Variants in CHLSN observed in about 807,000 individuals in gnomAD.
CHLSN encodes the protein cholesin, also known as protein cholesin.
At chr7:1,136,804 T>C in the CHLSN span, among the ~76,000 whole-genome samples, 1 of 151,908 alleles carries the variant, frequency 6.6e-6, no homozygotes, top group African/African-American at 2.4e-5. Flanking sequence ...ATCCTCTCCA[T>C]AAACATCCAT....
the CHLSN span, among the ~76,000 whole-genome samples, chr7:1,042,501 C>T: frequency 1.3e-5 from 2 of 152,224 alleles, no homozygotes; most frequent in African/African-American, 4.8e-5. Context: ...TTTACACCTC[C>T]AGCTACGAGT....
At chr7:1,009,860 C>T in the CHLSN span, 1 of 1,158,128 alleles carries the variant, frequency 8.6e-7, no homozygotes, top group Non-Finnish European at 1.2e-6. Context: ...GAACCTTCCA[C>T]ACAGTGTGTG....
the CHLSN span, among the ~76,000 whole-genome samples, chr7:983,709 G>A: frequency 1.3e-5 from 2 of 152,220 alleles, no homozygotes; most frequent in Admixed American, 6.5e-5. Flanking sequence ...ACAGCAGAGG[G>A]GAGGAGGGCC....
At chr7:1,037,053 G>T in the CHLSN span, among the ~76,000 whole-genome samples, 1 of 146,598 alleles carries the variant, frequency 6.8e-6, no homozygotes, top group East Asian at 1.9e-4. Context: ...GGAGGCTGCA[G>T]TGAGCCGAGA....
At chr7:1,095,943 CGGCAGCAGCGGCAGCGGGGAG>C in the CHLSN span, among the ~76,000 whole-genome samples, 9 of 152,340 alleles carry the variant, frequency 5.9e-5, no homozygotes, top group Admixed American at 5.2e-4. Flanking sequence ...AGTGCAGGGA[CGGCAGCAGCGGCAGCGGGGAG>C]GGCTCCCTTA....
chr7:1,094,757 G>A, the CHLSN span, among the ~76,000 whole-genome samples: 2 of 152,210 alleles, frequency 1.3e-5, no homozygotes, highest in African/African-American at 4.8e-5. Flanking sequence ...CCGTCTGTGG[G>A]ACATGAAGCT....
the CHLSN span, among the ~76,000 whole-genome samples, chr7:1,104,202 A>G: frequency 1.3e-5 from 2 of 152,254 alleles, no homozygotes; most frequent in Non-Finnish European, 2.9e-5. Flanking sequence ...GGAGAAGGCC[A>G]ACCTCCACTG....
At chr7:1,016,703 ACACGCCAGCG>A in the CHLSN span, among the ~76,000 whole-genome samples, 17 of 66,222 alleles carry the variant, frequency 2.6e-4, 1 homozygote, top group African/African-American at 5.9e-4. Flanking sequence ...GCATGCCAGC[ACACGCCAGCG>A]CACAGCAGCA....
chr7:1,006,797 C>G, the CHLSN span, among the ~76,000 whole-genome samples: 1 of 152,132 alleles, frequency 6.6e-6, no homozygotes, highest in Non-Finnish European at 1.5e-5. Context: ...AGGGAAAGAG[C>G]GCATGACGGC....
chr7:1,107,674 GT>G, the CHLSN span, among the ~76,000 whole-genome samples: 1 of 152,252 alleles, frequency 6.6e-6, no homozygotes, highest in Non-Finnish European at 1.5e-5. Context: ...CCACCGTGAC[GT>G]ACAGTCTGCA....
At chr7:1,028,247 C>A in the CHLSN span, 1 of 1,096,098 alleles carries the variant, frequency 9.1e-7, no homozygotes, top group Non-Finnish European at 1.1e-6. Context: ...GCCCTGGCCC[C>A]GCGCACTGAC....
the CHLSN span, among the ~76,000 whole-genome samples, chr7:1,015,177 C>CT: frequency 6.6e-6 from 1 of 152,170 alleles, no homozygotes; most frequent in Admixed American, 6.5e-5. Flanking sequence ...TGGGTGGCTC[C>CT]TGGGTCCCTG....
the CHLSN span, among the ~76,000 whole-genome samples, chr7:1,081,153 G>C: frequency 2.0e-5 from 3 of 152,242 alleles, no homozygotes; most frequent in Admixed American, 2.0e-4. Context: ...CCCGCGTGCC[G>C]TCATCCAGGG....
the CHLSN span, among the ~76,000 whole-genome samples, chr7:1,050,300 AG>A: frequency 6.6e-6 from 1 of 152,240 alleles, no homozygotes; most frequent in Non-Finnish European, 1.5e-5. Context: ...GGTTTAGATC[AG>A]GAACAGAACA....
At chr7:1,101,902 G>GGCCACC in the CHLSN span, among the ~76,000 whole-genome samples, 3 of 152,244 alleles carry the variant, frequency 2.0e-5, no homozygotes, top group Admixed American at 2.0e-4. Context: ...TGGCTCGCTG[G>GGCCACC]GCCACCGTCA....
the CHLSN span, among the ~76,000 whole-genome samples, chr7:1,136,445 T>C: frequency 1.3e-3 from 157 of 118,306 alleles, 4 homozygotes; most frequent in Non-Finnish European, 1.6e-3. Context: ...TATATATAAA[T>C]ATATATAAAC....
the CHLSN span, among the ~76,000 whole-genome samples, chr7:1,100,737 TGCCTCCCG>T: frequency 4.0e-5 from 6 of 151,788 alleles, no homozygotes; most frequent in African/African-American, 1.2e-4. Flanking sequence ...TCTGCCTCCC[TGCCTCCCG>T]GCCTCCACAG....
the CHLSN span, among the ~76,000 whole-genome samples, chr7:1,084,287 C>G: frequency 6.6e-6 from 1 of 152,254 alleles, no homozygotes; most frequent in African/African-American, 2.4e-5. Flanking sequence ...CGGGGGACGC[C>G]AGCGATGCCC....
the CHLSN span, among the ~76,000 whole-genome samples, chr7:1,001,582 G>A: frequency 3.0e-5 from 4 of 135,486 alleles, no homozygotes; most frequent in African/African-American, 1.1e-4. Context: ...GAGTCCTGTG[G>A]GTGAGTGGAG....
Sources: gnomAD v4.1 joint callset for allele counts (sites outside exome capture counted in the v4.1 genomes callset) on GRCh38, gnomAD v4.1.1 for gene constraint, MANE v1.5 for transcripts, NCBI Gene and HGNC (gene_info 2026-07-23, HGNC 2026-07-21) for gene names.